Variants in FARP1 observed in about 807,000 individuals in gnomAD.
FARP1 encodes the protein FERM, ARH/RhoGEF and pleckstrin domain protein 1.
FARP1 carries 52 observed loss-of-function variants against 128.8 expected under a neutral mutation model. The ratio of observed to expected loss-of-function variants is 0.40; its 90% CI spans 0.32 to 0.51. The LOEUF is 0.51. Ranked by LOEUF, FARP1 falls within the 20% of genes least tolerant of loss-of-function variation. The pLI is 0.45. For missense variants in FARP1, 1,333 were observed against 1,367.9 expected (o/e 0.97, Z 0.40); for synonymous variants, 580 against 551.8 (o/e 1.05, Z -0.72).
intron 2 of FARP1, among the ~76,000 whole-genome samples, chr13:98,333,436 TACACAC>T (rs60264788): frequency 0.031 from 4,287 of 139,712 alleles, 105 homozygotes; most frequent in African/African-American, 0.071. Flanking sequence ...CCCCCACATG[TACACAC>T]ACACACACAC....
chr13:98,413,205 G>T (rs995227905), intron 16 of FARP1, among the ~76,000 whole-genome samples: 1 of 152,238 alleles, frequency 6.6e-6, no homozygotes, highest in Non-Finnish European at 1.5e-5. Context: ...AGAGAGGGAG[G>T]TGACAGGCAT....
At chr13:98,414,382 G>A (rs1399105654) in intron 16 of FARP1, among the ~76,000 whole-genome samples, 3 of 152,130 alleles carry the variant, frequency 2.0e-5, no homozygotes, top group Non-Finnish European at 4.4e-5. Context: ...AGGGATCATT[G>A]GAAGGGGCTG....
Position 98,431,254 on chromosome 13 carries a change from G to A in FARP1, c.2117G>A (p.Ser706Asn). 6.3e-7 allele frequency: 1 copy of A among 1,590,442 alleles called. No homozygotes were observed. Among genetic ancestry groups the A allele is most frequent in the Non-Finnish European group, 8.6e-7 (1 of 1,169,208 alleles). ...LERLCKHHPP[S>N]HADFRDCRAA... ...CGGCTGTGCAAACACCACCCGCCGA[G>A]CCACGCCGACTTCAGGGACTGCCGA... The change falls in exon 18 of 27, where the codon AGC becomes AAC. Residue 706 changes from serine to asparagine, a missense_variant. This residue lies in a region of FARP1 where 1,009 missense variants were observed against 969.8 expected (regional missense o/e 1.04). Coordinates refer to ENST00000319562, the MANE Select transcript of FARP1 (RefSeq NM_005766.4).
At chr13:98,381,072 C>T (rs1889872686) in intron 6 of FARP1, among the ~76,000 whole-genome samples, 1 of 152,160 alleles carries the variant, frequency 6.6e-6, no homozygotes, top group Non-Finnish European at 1.5e-5. Flanking sequence ...AGAATCTTCC[C>T]TTCTCAAAAG....
chr13:98,260,696 A>G (rs1282087988), intron 2 of FARP1, among the ~76,000 whole-genome samples: 6 of 152,132 alleles, frequency 3.9e-5, no homozygotes, highest in Admixed American at 3.3e-4. Context: ...GGGCTTTTTC[A>G]TGTTGTTTCA....
intron 5 of FARP1, among the ~76,000 whole-genome samples, chr13:98,371,641 G>A (rs933963192): frequency 5.9e-5 from 9 of 151,982 alleles, no homozygotes; most frequent in Non-Finnish European, 5.9e-5. Flanking sequence ...TGGGACTCTC[G>A]CATCTCAAAT....
intron 1 of FARP1, among the ~76,000 whole-genome samples, chr13:98,181,654 G>GAGAGAGAGAGAGAGAGAA (rs1232550650): frequency 9.3e-5 from 14 of 149,916 alleles, no homozygotes; most frequent in African/African-American, 3.4e-4. Context: ...GAGAGAGAGA[G>GAGAGAGAGAGAGAGAGAA]AGAGAGAGTC....
Position 98,390,126 on chromosome 13 carries a change from G to A in FARP1, c.1019+6G>A, listed in dbSNP as rs1268552898. 1 of 1,611,864 alleles carries A rather than the reference G, an allele frequency of 6.2e-7. No individual in the cohort carries two copies. The highest frequency in any genetic ancestry group is 1.1e-5 in the South Asian group (1 of 90,650). On this transcript the variant is annotated splice_donor_region_variant and intron_variant, in intron 10 of 26. Coordinates refer to ENST00000319562, the MANE Select transcript of FARP1 (RefSeq NM_005766.4). ...GGGTCATCATTTCGGTTCAGGTGAG[G>A]TCGCCACTTTGTGCCTCTGTTTGCT...
intron 2 of FARP1, among the ~76,000 whole-genome samples, chr13:98,267,493 C>G (rs12876783): frequency 9.2e-5 from 14 of 152,116 alleles, no homozygotes; most frequent in Non-Finnish European, 1.5e-4. Context: ...CCCACCCCCC[C>G]ATATCCTTCC....
At chr13:98,219,392 T>G (rs1188341446) in intron 2 of FARP1, among the ~76,000 whole-genome samples, 1 of 152,122 alleles carries the variant, frequency 6.6e-6, no homozygotes, top group East Asian at 1.9e-4. Context: ...TCTTGCTCTG[T>G]CACCCAGGTT....
At chr13:98,308,931 G>GC (rs1467822557) in intron 2 of FARP1, among the ~76,000 whole-genome samples, 1 of 151,968 alleles carries the variant, frequency 6.6e-6, no homozygotes, top group African/African-American at 2.4e-5. Flanking sequence ...GCCCACCTCA[G>GC]CCCCCCACCA....
chr13:98,409,735 A>G (rs1891120039), intron 14 of FARP1, among the ~76,000 whole-genome samples: 1 of 152,152 alleles, frequency 6.6e-6, no homozygotes, highest in African/African-American at 2.4e-5. Flanking sequence ...AACAGAAACT[A>G]CATCCATTTG....
Position 98,176,504 on chromosome 13 carries a change from C to T in FARP1, c.-24+33012C>T, listed in dbSNP as rs1411220969. The T allele has an allele frequency of 6.2e-7, 1 of 1,614,220 alleles. No homozygotes were observed. The highest frequency in any genetic ancestry group is 1.7e-5 in the Admixed American group (1 of 60,030). On this transcript the variant is annotated intron_variant, in intron 1 of 26. Coordinates refer to ENST00000319562, the MANE Select transcript of FARP1 (RefSeq NM_005766.4). The surrounding 1 kb of genome is among the most constrained non-coding windows in gnomAD (Gnocchi z 6.2). ...GGTATTTCCTCTTCCTCGCTTCCCA[C>T]TTCATGGTTTTCGTCCTCGCAGATA...
chr13:98,401,150 C>T (rs766978809), intron 13 of FARP1: 4 of 152,030 alleles, frequency 2.6e-5, no homozygotes, highest in African/African-American at 7.2e-5. Flanking sequence ...GAGAAAGGTA[C>T]GATTGAATGA....
Position 98,305,861 on chromosome 13 carries a change from C to CTT in FARP1, c.172-37892_172-37891dup, listed in dbSNP as rs34016297. ...TTTACTTCTTGTATTATTACTTTCC[C>CTT]TTTTTTTTTTCTTGCACTTTCATCT... On this transcript the variant is annotated intron_variant, in intron 2 of 26. Coordinates refer to ENST00000319562, the MANE Select transcript of FARP1 (RefSeq NM_005766.4). 1.3e-4 allele frequency among the ~76,000 whole-genome samples: 19 copies of CTT among 149,774 alleles called. 1 individual carries two copies. Among genetic ancestry groups the CTT allele is most frequent in the Non-Finnish European group, 1.2e-4 (8 of 67,456 alleles).
intron 13 of FARP1, chr13:98,395,771 T>A: frequency 2.4e-6 from 1 of 415,938 alleles, no homozygotes. Context: ...GACATCACCT[T>A]TGATATGAGC....
chr13:98,175,777 C>G (rs1229019544), intron 1 of FARP1: 3 of 200,496 alleles, frequency 1.5e-5, no homozygotes, highest in Non-Finnish European at 3.0e-5. Context: ...AATCATACAG[C>G]GTATTGGTCA....
intron 1 of FARP1, among the ~76,000 whole-genome samples, chr13:98,209,642 C>T (rs1248610582): frequency 6.7e-6 from 1 of 149,576 alleles, no homozygotes; most frequent in Non-Finnish European, 1.5e-5. Flanking sequence ...ACTAAAAATA[C>T]AACAATTAGC....
intron 2 of FARP1, among the ~76,000 whole-genome samples, chr13:98,283,229 A>G (rs748602695): frequency 5.3e-5 from 8 of 152,210 alleles, no homozygotes; most frequent in Non-Finnish European, 7.3e-5. Flanking sequence ...AGGAATTTTC[A>G]TAAGGAAAAT....
Sources: allele counts gnomAD v4.1 joint callset (sites outside exome capture counted in the v4.1 genomes callset), GRCh38; gene constraint gnomAD v4.1.1; regional missense constraint gnomAD v4.1.1; non-coding constraint Gnocchi (gnomAD v3.1); transcripts MANE v1.5; gene names NCBI Gene and HGNC (gene_info 2026-07-23, HGNC 2026-07-21).